ASPRV1: variants seen among roughly 807,000 people sequenced by gnomAD.
ASPRV1 encodes retroviral-like aspartic protease 1.
A neutral mutation model predicts 11.0 loss-of-function variants in ASPRV1; 7 were observed. The observed-to-expected ratio is 0.64, with a 90% confidence interval of 0.36 to 1.20. The LOEUF (loss-of-function observed/expected upper bound fraction) is 1.20. ASPRV1 is among the 50% of genes most tolerant of loss of function. The probability of loss-of-function intolerance (pLI) is 0.02; values close to 1 mark genes in which losing one functional copy is unlikely to be tolerated. For synonymous variants in ASPRV1, 136 were observed against 138.4 expected (o/e 0.98, Z 0.12); for missense variants, 299 against 320.0 (o/e 0.93, Z 0.50).
chr2:69,970,690 G>GAA, the ASPRV1 span: 1 of 152,274 alleles, frequency 6.6e-6, no homozygotes, highest in Admixed American at 6.5e-5. Context: ...GTCTAAACAT[G>GAA]AAAGTCCCGG....
At chr2:69,980,422 T>C in the ASPRV1 span, among the ~76,000 whole-genome samples, 2 of 152,240 alleles carry the variant, frequency 1.3e-5, no homozygotes, top group African/African-American at 2.4e-5. Flanking sequence ...CAATGCTATT[T>C]GTGGGAATAT....
Position 69,961,316 on chromosome 2 carries a change from C to A in ASPRV1, c.121G>T (p.Asp41Tyr), listed in dbSNP as rs556403030. Residue 41 changes from aspartate (D) to tyrosine (Y), a missense_variant, in exon 1 of 1, where the codon GAC (aspartate) becomes TAC (tyrosine). Physicochemically the swap from Asp to Tyr is radical, Grantham distance 160. Transcript: ENST00000320256. ...GTGATATGGTCCCAATGGTTGAGGT[C>A]ATTGATGACTTCAAAGCTGTGCAGC... ...LWLHSFEVIN[D>Y]LNHWDHITKL... 5.0e-6 allele frequency: 8 copies of A among 1,614,008 alleles called. No individual in the cohort carries two copies. The highest frequency in any genetic ancestry group is 6.8e-6 in the Non-Finnish European group (8 of 1,180,032).
the ASPRV1 span, among the ~76,000 whole-genome samples, chr2:70,009,392 C>T: frequency 6.6e-6 from 1 of 151,988 alleles, no homozygotes; most frequent in East Asian, 1.9e-4. Flanking sequence ...TGCAGTGGCA[C>T]GATCTTGGCT....
At chr2:70,021,086 T>C in the ASPRV1 span, among the ~76,000 whole-genome samples, 1 of 152,102 alleles carries the variant, frequency 6.6e-6, no homozygotes, top group African/African-American at 2.4e-5. Flanking sequence ...CCTCCCCCAG[T>C]CCCTGGTGGC....
chr2:70,083,067 G>A, the ASPRV1 span, among the ~76,000 whole-genome samples: 1 of 152,092 alleles, frequency 6.6e-6, no homozygotes, highest in Non-Finnish European at 1.5e-5. Flanking sequence ...GGGAAAAGAG[G>A]GAAGAGATTT....
the ASPRV1 span, among the ~76,000 whole-genome samples, chr2:69,967,120 C>T: frequency 3.3e-5 from 5 of 152,164 alleles, no homozygotes; most frequent in Non-Finnish European, 7.3e-5. Context: ...ATGGACAATG[C>T]CAAATAGGTG....
At chr2:70,085,388 T>A in the ASPRV1 span, among the ~76,000 whole-genome samples, 1 of 152,112 alleles carries the variant, frequency 6.6e-6, no homozygotes, top group Non-Finnish European at 1.5e-5. Context: ...GTAGCTCTTA[T>A]CAGGAAAAGC....
the ASPRV1 span, chr2:70,048,906 A>G: frequency 2.6e-5 from 4 of 152,218 alleles, no homozygotes; most frequent in Non-Finnish European, 4.4e-5. Context: ...TCATGTGGCC[A>G]TCTTCCCTCT....
At chr2:70,030,675 A>T in the ASPRV1 span, 53 of 152,224 alleles carry the variant, frequency 3.5e-4, no homozygotes, top group African/African-American at 1.3e-3. Flanking sequence ...TTGGTTTACA[A>T]CCAAGCAGAA....
the ASPRV1 span, among the ~76,000 whole-genome samples, chr2:69,974,337 C>CAA: frequency 2.2e-3 from 316 of 144,538 alleles, no homozygotes; most frequent in South Asian, 5.1e-3. Context: ...AACTCCATCT[C>CAA]AAAAAAAAAA....
chr2:70,079,933 T>C, the ASPRV1 span, among the ~76,000 whole-genome samples: 1 of 152,228 alleles, frequency 6.6e-6, no homozygotes, highest in Non-Finnish European at 1.5e-5. Context: ...ACACAGTGAA[T>C]AATGTTGAAC....
At chr2:69,966,283 C>A (rs905551944), upstream of ASPRV1, among the ~76,000 whole-genome samples, 10 of 152,240 alleles carry the variant, frequency 6.6e-5, no homozygotes, top group Non-Finnish European at 1.3e-4. Flanking sequence ...TCCTGAAGGC[C>A]TTCTCAGTCA....
At chr2:70,042,797 T>C in the ASPRV1 span, among the ~76,000 whole-genome samples, 1 of 151,944 alleles carries the variant, frequency 6.6e-6, no homozygotes, top group Admixed American at 6.6e-5. Flanking sequence ...TTGCCAAACT[T>C]TGGGGGATAG....
In ASPRV1 at chr2:69,961,534, C is replaced by A. The variant is rs151323610; in HGVS notation, c.-98G>T. On this transcript the variant is annotated 5_prime_UTR_variant, in exon 1 of 1. Transcript: ENST00000320256. Reference sequence around the variant, plus strand: ...AATCACGCTGGAAAACGGGGCCTCTCGAAGCAGAGTGGGGATGACTTGCCC... The same window carrying A: ...AATCACGCTGGAAAACGGGGCCTCTAGAAGCAGAGTGGGGATGACTTGCCC... 2.5e-6 allele frequency: 4 copies of A among 1,614,130 alleles called. No individual in the cohort carries two copies. The highest frequency in any genetic ancestry group is 3.4e-6 in the Non-Finnish European group (4 of 1,180,030).
the ASPRV1 span, among the ~76,000 whole-genome samples, chr2:69,948,978 C>G: frequency 6.6e-6 from 1 of 152,094 alleles, no homozygotes; most frequent in Non-Finnish European, 1.5e-5. Flanking sequence ...CGGCGGACTG[C>G]GCTTCACTCA....
chr2:70,058,034 C>T, the ASPRV1 span, among the ~76,000 whole-genome samples: 3 of 152,128 alleles, frequency 2.0e-5, no homozygotes, highest in Non-Finnish European at 4.4e-5. Context: ...CTGCCCACCT[C>T]AACCTCCCCA....
chr2:69,937,447 G>T, the ASPRV1 span: 1 of 1,483,724 alleles, frequency 6.7e-7, no homozygotes, highest in Non-Finnish European at 8.9e-7. Flanking sequence ...CAACCCCAGA[G>T]CAGGGGTTCA....
At chr2:69,970,215 A>G in the ASPRV1 span, among the ~76,000 whole-genome samples, 34,594 of 151,756 alleles carry the variant, frequency 0.23, 6,970 homozygotes, top group African/African-American at 0.51. Context: ...CCCTGGCCTC[A>G]GGGCACCCTG....
At chr2:69,936,929 G>T in the ASPRV1 span, 1 of 520,458 alleles carries the variant, frequency 1.9e-6, no homozygotes. Context: ...ATCAGGTTGG[G>T]GACTGCTGCC....
Sources: gnomAD v4.1 joint callset for allele counts (sites outside exome capture counted in the v4.1 genomes callset) on GRCh38, gnomAD v4.1.1 for gene constraint, MANE v1.5 for transcripts, NCBI Gene and HGNC (gene_info 2026-07-23, HGNC 2026-07-21) for gene names.